The following CLEC16A variants were observed in gnomAD, a reference collection of about 807,000 sequenced individuals.
CLEC16A encodes the protein C-type lectin domain containing 16A, also known as protein CLEC16A.
In CLEC16A, 51 loss-of-function variants were observed where a neutral mutation model predicts 109.5. That is an observed-to-expected ratio of 0.47 (90% confidence interval 0.37 to 0.59). CLEC16A has a LOEUF of 0.59. Among genes scored for constraint, CLEC16A ranks in the 20% least tolerant of loss-of-function variants. The probability of loss-of-function intolerance (pLI) is 0.00; values close to 1 mark genes in which losing one functional copy is unlikely to be tolerated. For missense variants in CLEC16A, 1,339 were observed against 1,394.0 expected, an observed-to-expected ratio of 0.96 and a Z score of 0.63; for synonymous variants, 673 against 564.2, an observed-to-expected ratio of 1.19 and a Z score of -2.73.
chr16:11,145,438 C>G (rs1474372105), intron 22 of CLEC16A, among the ~76,000 whole-genome samples: 1 of 152,240 alleles, frequency 6.6e-6, no homozygotes, highest in East Asian at 1.9e-4. Flanking sequence ...TGCATCCAGT[C>G]CCTCCCCAAG....
At chr16:11,032,984 C>T (rs1434013278) in intron 13 of CLEC16A, among the ~76,000 whole-genome samples, 1 of 151,816 alleles carries the variant, frequency 6.6e-6, no homozygotes, top group Non-Finnish European at 1.5e-5. Flanking sequence ...AAGTAGATGA[C>T]TGGGGGTGGG....
In CLEC16A at chr16:11,178,767, T is replaced by C; in HGVS notation, c.*77T>C. On this transcript the variant is annotated 3_prime_UTR_variant, in exon 24 of 24. Coordinates refer to ENST00000409790, the MANE Select transcript of CLEC16A (RefSeq NM_015226.3). This position sits in a 1 kb window ranked among gnomAD's most constrained non-coding sequence, Gnocchi z 6.5. ...AGTGCCGCTGACTGGCAAGACACAC[T>C]GGGAGCACCCACCATTCTGTGCGGC... is the stretch of plus-strand genomic sequence containing the variant. 8.7e-7 allele frequency: 1 copy of C among 1,154,038 alleles called. No homozygotes were observed. The highest frequency in any genetic ancestry group is 1.6e-5 in the South Asian group (1 of 61,938). 71.5% of individuals were successfully genotyped at this position (1,154,038 alleles called of 1,614,324 possible).
Position 11,003,134 on chromosome 16 carries a change from A to G in CLEC16A, c.1132A>G (p.Met378Val). 6.2e-7 allele frequency: 1 copy of G among 1,613,690 alleles called. No homozygotes were observed. The highest frequency in any genetic ancestry group is 8.5e-7 in the Non-Finnish European group (1 of 1,179,846). The change falls in exon 11 of 24, where the codon ATG becomes GTG. Residue 378 changes from methionine to valine, a missense_variant. Transcript: ENST00000409790. ...PTETLERSLE[M>V]NKHKGKRRVQ... Reference sequence around the variant, plus strand: ...CGAGACACTCGAGCGGTCCCTTGAGATGAACAAGCACAAGGGCAAGAGGCG... The same window carrying G: ...CGAGACACTCGAGCGGTCCCTTGAGGTGAACAAGCACAAGGGCAAGAGGCG...
At chr16:11,171,656 A>G (rs911807191) in intron 23 of CLEC16A, among the ~76,000 whole-genome samples, 1 of 152,214 alleles carries the variant, frequency 6.6e-6, no homozygotes, top group African/African-American at 2.4e-5. Flanking sequence ...CTTGCAAAGA[A>G]TATACAGCGG....
chr16:11,134,358 AC>A (rs1366059193), intron 22 of CLEC16A, among the ~76,000 whole-genome samples: 2 of 152,092 alleles, frequency 1.3e-5, no homozygotes, highest in African/African-American at 4.8e-5. Flanking sequence ...CATGTTGGGC[AC>A]TTTATATGCA....
chr16:11,141,333 C>T (rs759839192), intron 22 of CLEC16A, among the ~76,000 whole-genome samples: 7 of 152,230 alleles, frequency 4.6e-5, no homozygotes, highest in Admixed American at 1.3e-4. Flanking sequence ...TCCTGCAACC[C>T]GTCCTAGGCC....
chr16:11,103,574 C>T (rs913527485), intron 19 of CLEC16A, among the ~76,000 whole-genome samples: 5 of 152,040 alleles, frequency 3.3e-5, no homozygotes, highest in East Asian at 1.9e-4. Context: ...AACAAAACTC[C>T]GTCTCAAAAA....
At chr16:10,953,976 C>A (rs1168265292) in intron 1 of CLEC16A, among the ~76,000 whole-genome samples, 24 of 145,586 alleles carry the variant, frequency 1.6e-4, no homozygotes, top group Admixed American at 2.0e-4. Context: ...GACTCCGTCT[C>A]AAAAAAAAAA....
chr16:11,047,260 A>G, intron 16 of CLEC16A, 32 bp from the exon 17 acceptor site: 1 of 1,582,784 alleles, frequency 6.3e-7, no homozygotes, highest in East Asian at 2.2e-5. Flanking sequence ...AATATGAATA[A>G]TCTCCTCTTC....
intron 22 of CLEC16A, among the ~76,000 whole-genome samples, chr16:11,130,982 T>C (rs963422307): frequency 1.3e-5 from 2 of 152,208 alleles, no homozygotes; most frequent in African/African-American, 4.8e-5. Flanking sequence ...TCAGGGCTAA[T>C]AGGTGACTAG....
At chr16:10,948,038 C>G (rs573902098) in intron 1 of CLEC16A, among the ~76,000 whole-genome samples, 24 of 152,106 alleles carry the variant, frequency 1.6e-4, no homozygotes, top group Non-Finnish European at 2.6e-4. Flanking sequence ...GGACTACAGG[C>G]GCCCGCCACC....
chr16:11,151,666 A>G (rs914809598), intron 22 of CLEC16A, among the ~76,000 whole-genome samples: 79 of 152,340 alleles, frequency 5.2e-4, no homozygotes, highest in African/African-American at 1.7e-3. Flanking sequence ...CATTAAATCA[A>G]TCAGTGCAAT....
intron 4 of CLEC16A, among the ~76,000 whole-genome samples, chr16:10,969,694 T>C (rs1192876276): frequency 5.3e-5 from 8 of 152,262 alleles, no homozygotes; most frequent in African/African-American, 1.7e-4. Flanking sequence ...CTGAGAGCTT[T>C]ATACTTGGTA....
At chr16:11,017,692 T>C (rs1597064166) in intron 11 of CLEC16A, among the ~76,000 whole-genome samples, 1 of 152,288 alleles carries the variant, frequency 6.6e-6, no homozygotes, top group South Asian at 2.1e-4. Context: ...TGATAGGATG[T>C]GATGAGAAGG....
chr16:11,055,958 G>T (rs1174552404), intron 18 of CLEC16A, among the ~76,000 whole-genome samples: 1 of 152,082 alleles, frequency 6.6e-6, no homozygotes, highest in Non-Finnish European at 1.5e-5. Context: ...TATTCTAGGT[G>T]TCAGGCTCTG....
At chr16:11,011,562 GTCCTTGGAATTAACC>G (rs1285584594) in intron 11 of CLEC16A, among the ~76,000 whole-genome samples, 33 of 152,076 alleles carry the variant, frequency 2.2e-4, no homozygotes, top group African/African-American at 7.5e-4. Flanking sequence ...TCCTCTGCCT[GTCCTTGGAATTAACC>G]ATTTCTCTGG....
intron 22 of CLEC16A, among the ~76,000 whole-genome samples, chr16:11,157,606 A>T (rs1294316369): frequency 6.6e-6 from 1 of 152,214 alleles, no homozygotes; most frequent in Non-Finnish European, 1.5e-5. Context: ...CCTTGGAGTC[A>T]CTGCTATCTG....
At chr16:11,068,004 C>G (rs1444076198) in intron 19 of CLEC16A, among the ~76,000 whole-genome samples, 4 of 152,224 alleles carry the variant, frequency 2.6e-5, no homozygotes, top group Non-Finnish European at 4.4e-5. Context: ...TGCTGTGGAC[C>G]TTCCCTTTGC....
At chr16:10,975,941 T>G (rs1296105773) in intron 7 of CLEC16A, among the ~76,000 whole-genome samples, 1 of 152,022 alleles carries the variant, frequency 6.6e-6, no homozygotes, top group Non-Finnish European at 1.5e-5. Context: ...CATGAGCCAC[T>G]GCACCCAGCT....
Sources: gnomAD v4.1 joint callset for allele counts (sites outside exome capture counted in the v4.1 genomes callset) on GRCh38, gnomAD v4.1.1 for gene constraint, Gnocchi (gnomAD v3.1) non-coding constraint, MANE v1.5 for transcripts, NCBI Gene and HGNC (gene_info 2026-07-23, HGNC 2026-07-21) for gene names.